Variants in TBC1D22A observed in about 807,000 individuals in gnomAD.
TBC1D22A encodes the protein TBC1 domain family member 22A.
In TBC1D22A, 38 loss-of-function variants were observed where a neutral mutation model predicts 60.2. The observed-to-expected ratio is 0.63, with a 90% CI of 0.49 to 0.83. TBC1D22A has a LOEUF of 0.83. Ranked by LOEUF, TBC1D22A falls within the 40% of genes least tolerant of loss-of-function variation. The pLI, the probability that TBC1D22A is intolerant of heterozygous loss-of-function variation, is 0.00. For synonymous variants in TBC1D22A, 302 were observed against 281.7 expected (o/e 1.07, Z -0.72); for missense variants, 628 against 701.0 (o/e 0.90, Z 1.18).
chr22:47,051,681 T>G (rs1603180290), intron 11 of TBC1D22A, among the ~76,000 whole-genome samples: 1 of 152,266 alleles, frequency 6.6e-6, no homozygotes. Flanking sequence ...CAGTGAGCCC[T>G]GGCCGCTTGC....
At chr22:47,043,614 G>A (rs146927900) in intron 11 of TBC1D22A, among the ~76,000 whole-genome samples, 2,020 of 152,262 alleles carry the variant, frequency 0.013, 19 homozygotes, top group Middle Eastern at 0.034. Context: ...ATCTTTCCAG[G>A]GGAGGAGGAG....
chr22:46,907,603 C>G (rs1276571092), intron 7 of TBC1D22A, among the ~76,000 whole-genome samples: 1 of 152,154 alleles, frequency 6.6e-6, no homozygotes, highest in Non-Finnish European at 1.5e-5. Context: ...CCGTCCTCGC[C>G]TCCACCATCC....
chr22:46,862,841 G>A (rs993444162), intron 4 of TBC1D22A, among the ~76,000 whole-genome samples: 1 of 152,178 alleles, frequency 6.6e-6, no homozygotes, highest in African/African-American at 2.4e-5. Flanking sequence ...ATTCTGGGGT[G>A]CAGGACTGGG....
At chr22:47,019,050 C>T (rs1478710486) in intron 10 of TBC1D22A, among the ~76,000 whole-genome samples, 1 of 152,224 alleles carries the variant, frequency 6.6e-6, no homozygotes, top group East Asian at 1.9e-4. Context: ...GGCTCTGGTG[C>T]AGGAGACAGT....
At chr22:47,121,288 G>A (rs377000345) in intron 12 of TBC1D22A, among the ~76,000 whole-genome samples, 2 of 152,254 alleles carry the variant, frequency 1.3e-5, no homozygotes, top group Admixed American at 6.5e-5. Flanking sequence ...GATGAGGGGT[G>A]TGATACACAG....
chr22:46,816,984 C>T (rs544168093), intron 4 of TBC1D22A, among the ~76,000 whole-genome samples: 15 of 152,234 alleles, frequency 9.9e-5, no homozygotes, highest in South Asian at 4.2e-4. Flanking sequence ...TGCTGATGTT[C>T]GAACATTAAA....
intron 12 of TBC1D22A, among the ~76,000 whole-genome samples, chr22:47,113,976 G>C (rs8136823): frequency 0.23 from 34,859 of 152,070 alleles, 4,403 homozygotes; most frequent in Non-Finnish European, 0.3. Context: ...ACTGGCAGGG[G>C]CAGACTTGGA....
chr22:46,933,291 G>A (rs1246979057), intron 8 of TBC1D22A, among the ~76,000 whole-genome samples: 1 of 152,204 alleles, frequency 6.6e-6, no homozygotes, highest in East Asian at 1.9e-4. Context: ...GAGGGCAGAG[G>A]ACAGTCAAGG....
At chr22:47,135,355 A>AC (rs1307244526) in intron 12 of TBC1D22A, among the ~76,000 whole-genome samples, 2 of 152,106 alleles carry the variant, frequency 1.3e-5, no homozygotes, top group East Asian at 3.9e-4. Context: ...GGACCAGGTG[A>AC]CACTCTGGGC....
At chr22:46,837,560 A>G (rs1473479831) in intron 4 of TBC1D22A, among the ~76,000 whole-genome samples, 5 of 152,210 alleles carry the variant, frequency 3.3e-5, no homozygotes, top group African/African-American at 4.8e-5. Flanking sequence ...ATATCACACA[A>G]TGGTGTGATA....
chr22:46,977,547 C>A (rs2074350173), intron 9 of TBC1D22A, among the ~76,000 whole-genome samples: 1 of 152,092 alleles, frequency 6.6e-6, no homozygotes, highest in South Asian at 2.1e-4. Context: ...GGAAAAAGAA[C>A]AAACCACTTT....
chr22:46,781,840 G>A (rs1601838596), intron 1 of TBC1D22A, among the ~76,000 whole-genome samples: 1 of 152,172 alleles, frequency 6.6e-6, no homozygotes, highest in Non-Finnish European at 1.5e-5. Context: ...TGAGAGCCCC[G>A]GCTGTGTGTT....
chr22:46,891,418 T>A, intron 6 of TBC1D22A, 24 bp downstream of exon 6: 1 of 1,588,018 alleles, frequency 6.3e-7, no homozygotes, highest in Non-Finnish European at 8.5e-7. Flanking sequence ...CTTTTTTTCG[T>A]ATGTTGCCTG....
intron 11 of TBC1D22A, 40 bp from the exon 12 acceptor site, chr22:47,111,468 C>G: frequency 6.3e-7 from 1 of 1,576,096 alleles, no homozygotes; most frequent in Non-Finnish European, 8.7e-7. Context: ...TAATGGGTCA[C>G]GCGTTACAAT....
intron 8 of TBC1D22A, among the ~76,000 whole-genome samples, chr22:46,962,472 C>T (rs1013318972): frequency 6.6e-6 from 1 of 152,228 alleles, no homozygotes; most frequent in Non-Finnish European, 1.5e-5. Context: ...AAATGTTCTG[C>T]TCTTTCACCT....
rs185466144 is a variant in TBC1D22A, at chr22:46,838,088, C to T, written c.637+40468C>T. Among the ~76,000 whole-genome samples the T allele has an allele frequency of 1.9e-3, 290 of 152,194 alleles. 1 individual carries two copies. Among genetic ancestry groups the T allele is most frequent in the African/African-American group, 6.7e-3 (280 of 41,526 alleles). ...AAAAAAAAGTTGCAAATAAACAGCC[C>T]AACTTCTACACTTGAAGGAACTAGA... On this transcript the variant is annotated intron_variant, in intron 4 of 12. Coordinates refer to ENST00000337137, the MANE Select transcript of TBC1D22A (RefSeq NM_014346.5).
intron 10 of TBC1D22A, among the ~76,000 whole-genome samples, chr22:47,013,738 C>G (rs746237014): frequency 6.6e-6 from 1 of 152,192 alleles, no homozygotes; most frequent in Non-Finnish European, 1.5e-5. Context: ...GGCATTGGTC[C>G]CAGCATTGGA....
At chr22:46,930,065 G>A (rs914932709) in intron 8 of TBC1D22A, among the ~76,000 whole-genome samples, 1 of 152,038 alleles carries the variant, frequency 6.6e-6, no homozygotes, top group Non-Finnish European at 1.5e-5. Context: ...ACAATGATGT[G>A]GAACCTGTAT....
At chr22:47,098,964 A>T (rs1379220207) in intron 11 of TBC1D22A, among the ~76,000 whole-genome samples, 5 of 152,182 alleles carry the variant, frequency 3.3e-5, no homozygotes, top group Non-Finnish European at 2.9e-5. Context: ...TGCACACAGT[A>T]GCCCCAAACC....
Sources: allele counts gnomAD v4.1 joint callset (sites outside exome capture counted in the v4.1 genomes callset), GRCh38; gene constraint gnomAD v4.1.1; transcripts MANE v1.5; gene names NCBI Gene and HGNC (gene_info 2026-07-23, HGNC 2026-07-21).